The following ANP32E variants were observed in gnomAD, a reference collection of about 807,000 sequenced individuals.
The protein encoded by ANP32E is acidic leucine-rich nuclear phosphoprotein 32 family member E.
Under a neutral mutation model 35.3 loss-of-function variants are expected in ANP32E, and 14 were observed. The observed-to-expected ratio is 0.40, with a 90% CI of 0.26 to 0.62. ANP32E has a LOEUF of 0.62. Ranked by LOEUF, ANP32E falls within the 20% of genes least tolerant of loss-of-function variation. The probability of loss-of-function intolerance (pLI) is 0.45; values close to 1 mark genes in which losing one functional copy is unlikely to be tolerated. For missense variants in ANP32E, 198 were observed against 304.4 expected, an observed-to-expected ratio of 0.65 and a Z score of 2.60; for synonymous variants, 89 against 110.4, an observed-to-expected ratio of 0.81 and a Z score of 1.22.
At chr1:150,228,490 G>C (rs782641786) in intron 4 of ANP32E, among the ~76,000 whole-genome samples, 1 of 152,100 alleles carries the variant, frequency 6.6e-6, no homozygotes, top group Non-Finnish European at 1.5e-5. Flanking sequence ...AGCAGTTCGA[G>C]ACCAGCCTGA....
chr1:150,220,760 T>A lies in ANP32E; in HGVS notation c.738A>T (p.Glu246Asp). 4 of 1,613,456 alleles carry A rather than the reference T, an allele frequency of 2.5e-6. No individual in the cohort carries two copies. Among genetic ancestry groups the A allele is most frequent in the Admixed American group, 1.7e-5 (1 of 60,014 alleles). ...VEEGEEEEEE[E>D]EGGLRGEKRK... The stretch of plus-strand genomic sequence containing the variant: ...TCTTCTCCCCTCGAAGACCTCCTTC[T>A]TCTTAAAGAGTGGAAAGAAAAATGC... Residue 246 changes from glutamate (E) to aspartate (D), a missense_variant and splice_region_variant, in exon 7 of 7, where the codon GAA (glutamate) becomes GAT (aspartate). Glu to Asp is a conservative substitution (Grantham distance 45, BLOSUM62 2). Around this residue, in one of 4 missense-constraint regions of ANP32E, gnomAD observed 121 missense variants for 137.3 expected, o/e 0.88. Transcript: ENST00000583931.
intron 3 of ANP32E, 58 bp downstream of exon 3, chr1:150,230,512 CA>C: frequency 4.7e-6 from 7 of 1,486,216 alleles, no homozygotes; most frequent in Non-Finnish European, 6.3e-6. Context: ...TAGACACAAA[CA>C]AATCTCAGAA....
intron 3 of ANP32E, 99 bp downstream of exon 3, chr1:150,230,469 ATTC>A (rs1376853808): frequency 1.6e-6 from 2 of 1,212,188 alleles, no homozygotes; most frequent in Non-Finnish European, 2.2e-6. Flanking sequence ...CATACAAAAA[ATTC>A]TTAAGTTTTA....
chr1:150,231,492 G>A (rs1553841701), intron 2 of ANP32E, among the ~76,000 whole-genome samples: 1 of 89,642 alleles, frequency 1.1e-5, no homozygotes, highest in Non-Finnish European at 2.1e-5. Flanking sequence ...CTACTCGGGA[G>A]GCTGAGGTGG....
Position 150,235,844 on chromosome 1 carries a change from A to C in ANP32E, c.-58T>G. The C allele has an allele frequency of 7.8e-7, 1 of 1,286,204 alleles. No individual in the cohort carries two copies. The highest frequency in any genetic ancestry group is 1.1e-6 in the Non-Finnish European group (1 of 907,904). The allele number at this position is 1,286,204 out of a possible 1,614,324, so 79.7% of individuals were successfully genotyped here. On this transcript the variant is annotated 5_prime_UTR_variant, in exon 1 of 7. Transcript: ENST00000583931. The surrounding 1 kb of genome is among the most constrained non-coding windows in gnomAD (Gnocchi z 4.2). ...TTTTCCCTTTCCTGCCTTCCCCAAT[A>C]CCCCCAACCCAAAATTTTTAAGAGA...
In ANP32E at chr1:150,235,807, C is replaced by A. The variant is rs1553843201; in HGVS notation, c.-21G>T. On this transcript the variant is annotated 5_prime_UTR_variant, in exon 1 of 7. Transcript: ENST00000583931. This position sits in a 1 kb window ranked among gnomAD's most constrained non-coding sequence, Gnocchi z 4.2. ...TCCATGTCCTCCTCTTGCTCTTCAG[C>A]TACTACTCTCCTTTTCCCTTTCCTG... 1.9e-6 allele frequency: 3 copies of A among 1,554,714 alleles called. No individual in the cohort carries two copies. Among genetic ancestry groups the A allele is most frequent in the Admixed American group, 3.7e-5 (2 of 54,292 alleles).
At position 150,220,648 on chromosome 1, in the gene ANP32E, A is replaced by T. The variant is rs782703817; in HGVS notation, c.*43T>A. ...GAAGAAACAAAGATGTGATCACTCT[A>T]TTGCACACCCAGAAACATTAGAGAA... is the stretch of plus-strand genomic sequence containing the variant. On this transcript the variant is annotated 3_prime_UTR_variant, in exon 7 of 7. Coordinates refer to ENST00000583931, the MANE Select transcript of ANP32E (RefSeq NM_030920.5). 3.8e-6 allele frequency: 6 copies of T among 1,559,410 alleles called. No individual in the cohort carries two copies. In the Admixed American group the frequency reaches 6.7e-5, roughly 17 times the overall value.
In ANP32E at chr1:150,235,637, A is replaced by G; in HGVS notation, c.54+96T>C. 1 of 1,403,020 alleles carries G rather than the reference A, an allele frequency of 7.1e-7. No individual in the cohort carries two copies. The highest frequency in any genetic ancestry group is 9.9e-7 in the Non-Finnish European group (1 of 1,006,446). The allele number at this position is 1,403,020 out of a possible 1,614,324, so 86.9% of individuals were successfully genotyped here. A position where few individuals can be genotyped will look rare whatever the true frequency, so the allele number is the denominator to read the frequency against. On this transcript the variant is annotated intron_variant, in intron 1 of 6. Coordinates refer to ENST00000583931, the MANE Select transcript of ANP32E (RefSeq NM_030920.5). The surrounding 1 kb of genome is among the most constrained non-coding windows in gnomAD (Gnocchi z 4.2). ...AACCCGGGGGGATGGGGGCTAACTTATTACTCCATCCCCGCACACCCACCC... is the reference window on the plus strand; with the variant it reads ...AACCCGGGGGGATGGGGGCTAACTTGTTACTCCATCCCCGCACACCCACCC...
chr1:150,231,768 C>T lies in ANP32E; in HGVS notation c.204+9G>A. On this transcript the variant is annotated intron_variant, in intron 2 of 6. Transcript: ENST00000583931. ...GAAATCATGATGCTTCACGTAAATG[C>T]CAACTTACTTTTCGAAGTTTATTTA... The T allele has an allele frequency of 6.2e-7, 1 of 1,603,662 alleles. No individual in the cohort carries two copies. Among genetic ancestry groups the T allele is most frequent in the South Asian group, 1.1e-5 (1 of 89,016 alleles).
chr1:150,229,729 C>T (rs1020169007), intron 3 of ANP32E, among the ~76,000 whole-genome samples: 7 of 152,166 alleles, frequency 4.6e-5, no homozygotes, highest in African/African-American at 1.7e-4. Context: ...CTGCCTGCCT[C>T]GGCCTCCCAA....
chr1:150,234,216 G>C (rs1052380685), intron 1 of ANP32E, among the ~76,000 whole-genome samples: 27 of 152,064 alleles, frequency 1.8e-4, no homozygotes, highest in African/African-American at 6.5e-4. Context: ...GGCGGGGGCG[G>C]GATTCAATTT....
chr1:150,220,835 G>A (rs1457780741), intron 6 of ANP32E, 74 bp from the exon 7 acceptor site: 3 of 1,391,604 alleles, frequency 2.2e-6, no homozygotes, highest in Non-Finnish European at 3.0e-6. Flanking sequence ...TTGAATCTTA[G>A]TGAAAAGTTA....
intron 5 of ANP32E, 66 bp downstream of exon 5, chr1:150,226,542 T>A: frequency 5.7e-6 from 9 of 1,565,752 alleles, no homozygotes; most frequent in Non-Finnish European, 6.9e-6. Flanking sequence ...CAAAACACAC[T>A]TTATATAGTA....
chr1:150,218,707 T>C lies in ANP32E; in HGVS notation c.*1984A>G, dbSNP rs587598367. 1 of 152,582 alleles carries C rather than the reference T, an allele frequency of 6.6e-6. No homozygotes were observed. The highest frequency in any genetic ancestry group is 2.4e-5 in the African/African-American group (1 of 41,446). The allele number at this position is 152,582 out of a possible 1,614,324, so 9.5% of individuals were successfully genotyped here. A position where few individuals can be genotyped will look rare whatever the true frequency, so the allele number is the denominator to read the frequency against. On this transcript the variant is annotated 3_prime_UTR_variant, in exon 7 of 7. Transcript: ENST00000583931. ...TAGGACCGAAAACTTCTACAAAATA[T>C]AAAACCCACCCTTACTTATTTGCAT... is the stretch of plus-strand genomic sequence containing the variant.
chr1:150,235,618 G>A lies in ANP32E; in HGVS notation c.54+115C>T. The A allele has an allele frequency of 9.1e-7, 1 of 1,094,996 alleles. No individual in the cohort carries two copies. Among genetic ancestry groups the A allele is most frequent in the Non-Finnish European group, 1.3e-6 (1 of 748,144 alleles). The allele number at this position is 1,094,996 out of a possible 1,614,324, so 67.8% of individuals were successfully genotyped here. A position where few individuals can be genotyped will look rare whatever the true frequency, so the allele number is the denominator to read the frequency against. ...TAAACATTTCCCCAACCCTAACCCG[G>A]GGGGATGGGGGCTAACTTATTACTC... is the stretch of plus-strand genomic sequence containing the variant. On this transcript the variant is annotated intron_variant, in intron 1 of 6. Coordinates refer to ENST00000583931, the MANE Select transcript of ANP32E (RefSeq NM_030920.5). The surrounding 1 kb of genome is among the most constrained non-coding windows in gnomAD (Gnocchi z 4.2).
chr1:150,225,900 G>A (rs1238349113), intron 5 of ANP32E, among the ~76,000 whole-genome samples: 1 of 151,888 alleles, frequency 6.6e-6, no homozygotes, highest in Admixed American at 6.6e-5. Context: ...GAGATAATTA[G>A]GAGAAAGAAA....
chr1:150,223,175 A>G lies in ANP32E; in HGVS notation c.736+11T>C, dbSNP rs1224180857. The G allele has an allele frequency of 2.7e-6, 4 of 1,503,960 alleles. No homozygotes were observed. The highest frequency in any genetic ancestry group is 4.9e-5 in the East Asian group (2 of 40,708). The allele number at this position is 1,503,960 out of a possible 1,614,324, so 93.2% of individuals were successfully genotyped here. On this transcript the variant is annotated intron_variant, in intron 6 of 6. Coordinates refer to ENST00000583931, the MANE Select transcript of ANP32E (RefSeq NM_030920.5). ...TAATTTTATAATTTGTTTATGGCTA[A>G]TGTAACTCACCCTCTTCTTCCTCTT...
chr1:150,230,120 C>A (rs1649238132), intron 3 of ANP32E, among the ~76,000 whole-genome samples: 1 of 152,028 alleles, frequency 6.6e-6, no homozygotes, highest in African/African-American at 2.4e-5. Flanking sequence ...CTCAAGCGAT[C>A]CTCCCACCTC....
chr1:150,219,859 C>T lies in ANP32E; in HGVS notation c.*832G>A, dbSNP rs941172216. 2.6e-5 allele frequency: 4 copies of T among 152,042 alleles called. No individual in the cohort carries two copies. Among genetic ancestry groups the T allele is most frequent in the South Asian group, 4.2e-4 (2 of 4,818 alleles). The allele number at this position is 152,042 out of a possible 1,614,324, so 9.4% of individuals were successfully genotyped here. ...AGGTTTTCCTGGGTTTCACAAGTTTCCCAAGTTCCTTTTGAGAGAGCGGGA... is the reference window on the plus strand; with the variant it reads ...AGGTTTTCCTGGGTTTCACAAGTTTTCCAAGTTCCTTTTGAGAGAGCGGGA... On this transcript the variant is annotated 3_prime_UTR_variant, in exon 7 of 7. Transcript: ENST00000583931.
Sources: gnomAD v4.1 joint callset for allele counts (sites outside exome capture counted in the v4.1 genomes callset) on GRCh38, gnomAD v4.1.1 for gene constraint, gnomAD v4.1.1 regional missense constraint, Gnocchi (gnomAD v3.1) non-coding constraint, MANE v1.5 for transcripts, NCBI Gene and HGNC (gene_info 2026-07-23, HGNC 2026-07-21) for gene names.